The following RAB6A variants were observed in gnomAD, a reference collection of about 807,000 sequenced individuals.
RAB6A encodes RAB6A, member RAS oncogene family, also known as ras-related protein Rab-6A.
A neutral mutation model predicts 32.3 loss-of-function variants in RAB6A; 8 were observed. That is an observed-to-expected ratio of 0.25 (90% CI 0.15 to 0.45). The LOEUF (loss-of-function observed/expected upper bound fraction) is 0.45. Ranked by LOEUF, RAB6A falls within the 20% of genes least tolerant of loss-of-function variation. The probability of loss-of-function intolerance (pLI) is 1.00; values close to 1 mark genes in which losing one functional copy is unlikely to be tolerated. For missense variants in RAB6A, 104 were observed against 249.4 expected, an observed-to-expected ratio of 0.42 and a Z score of 3.93; for synonymous variants, 73 against 82.1, an observed-to-expected ratio of 0.89 and a Z score of 0.60.
chr11:73,719,541 T>C (rs938563814), intron 3 of RAB6A, among the ~76,000 whole-genome samples: 1 of 152,090 alleles, frequency 6.6e-6, no homozygotes, highest in African/African-American at 2.4e-5. Context: ...TATCCATATC[T>C]ATATTACAGG....
At chr11:73,748,575 T>C (rs1946627753) in intron 1 of RAB6A, among the ~76,000 whole-genome samples, 1 of 152,040 alleles carries the variant, frequency 6.6e-6, no homozygotes, top group South Asian at 2.1e-4. Context: ...GCTATATAGA[T>C]GAAAAAAGAT....
intron 1 of RAB6A, among the ~76,000 whole-genome samples, chr11:73,739,356 G>A (rs2134990537): frequency 8.1e-6 from 1 of 124,120 alleles, no homozygotes. Context: ...AATTTTTTAA[G>A]AGATGGGGTG....
chr11:73,743,071 A>G (rs1203424410), intron 1 of RAB6A, among the ~76,000 whole-genome samples: 5 of 152,096 alleles, frequency 3.3e-5, no homozygotes, highest in Non-Finnish European at 5.9e-5. Context: ...TGGGAGGCCA[A>G]GACGGGCAGA....
chr11:73,745,106 T>C (rs1464594146), intron 1 of RAB6A, among the ~76,000 whole-genome samples: 1 of 152,196 alleles, frequency 6.6e-6, no homozygotes, highest in African/African-American at 2.4e-5. Flanking sequence ...ATCCATCTTT[T>C]CTTATGGGAA....
chr11:73,742,230 T>C (rs763238589), intron 1 of RAB6A, among the ~76,000 whole-genome samples: 3 of 151,838 alleles, frequency 2.0e-5, no homozygotes, highest in Non-Finnish European at 4.4e-5. Flanking sequence ...TGCAGTGAGC[T>C]GAGATTGTGC....
intron 1 of RAB6A, among the ~76,000 whole-genome samples, chr11:73,736,811 A>AG (rs1379540023): frequency 7.3e-6 from 1 of 137,074 alleles, no homozygotes; most frequent in African/African-American, 2.9e-5. Flanking sequence ...AAAAAAAAGA[A>AG]AAAAAAAAAA....
chr11:73,720,257 T>C (rs1388541000), intron 3 of RAB6A, among the ~76,000 whole-genome samples: 1 of 149,532 alleles, frequency 6.7e-6, no homozygotes, highest in Non-Finnish European at 1.5e-5. Flanking sequence ...CTCAGCTCAC[T>C]GCAACCTCTG....
chr11:73,724,484 GTTTTTTT>G (rs34665371), intron 2 of RAB6A, among the ~76,000 whole-genome samples: 1 of 123,364 alleles, frequency 8.1e-6, no homozygotes, highest in Non-Finnish European at 1.7e-5. Flanking sequence ...AATGCATTTC[GTTTTTTT>G]TTTTTTTTTT....
At chr11:73,720,772 A>G (rs1946124017) in intron 3 of RAB6A, 74 bp downstream of exon 3, 2 of 1,160,290 alleles carry the variant, frequency 1.7e-6, no homozygotes, top group African/African-American at 3.1e-5. Context: ...TATGGTGACA[A>G]TCATTGATAA....
chr11:73,708,128 T>G (rs1945879612), intron 5 of RAB6A, among the ~76,000 whole-genome samples: 1 of 152,206 alleles, frequency 6.6e-6, no homozygotes, highest in Non-Finnish European at 1.5e-5. Context: ...TATCTGTGCT[T>G]AATATTTTGT....
At chr11:73,709,936 TAC>T (rs199652404) in intron 5 of RAB6A, among the ~76,000 whole-genome samples, 2 of 100,736 alleles carry the variant, frequency 2.0e-5, no homozygotes, top group African/African-American at 7.0e-5. Flanking sequence ...TATATATACA[TAC>T]ACACACACAC....
At chr11:73,719,370 C>G (rs1011377867) in intron 3 of RAB6A, among the ~76,000 whole-genome samples, 2 of 152,232 alleles carry the variant, frequency 1.3e-5, no homozygotes, top group Non-Finnish European at 2.9e-5. Flanking sequence ...GTCTAGAATA[C>G]TTTCAAACCT....
rs1011083483 is a variant in RAB6A at position 73,676,065 on chromosome 11, A to G, written c.*1833T>C. The G allele has an allele frequency of 1.2e-5, 2 of 167,106 alleles. No individual in the cohort carries two copies. The highest frequency in any genetic ancestry group is 2.9e-5 in the Non-Finnish European group (2 of 68,114). 10.4% of individuals were successfully genotyped at this position (167,106 alleles called of 1,614,324 possible). On this transcript the variant is annotated 3_prime_UTR_variant, in exon 8 of 8. Transcript: ENST00000336083. ...AATGATTATCTGTAAGCATTTCTCT[A>G]TTCAGATCCATAATCCAAGTGCTCT...
intron 1 of RAB6A, among the ~76,000 whole-genome samples, chr11:73,744,563 G>A (rs1384214074): frequency 7.1e-6 from 1 of 140,606 alleles, no homozygotes; most frequent in Non-Finnish European, 1.5e-5. Flanking sequence ...TTAGATGGCA[G>A]CAGGACTTTT....
chr11:73,730,504 T>C (rs1011173430), intron 2 of RAB6A: 1 of 334,622 alleles, frequency 3.0e-6, no homozygotes, highest in African/African-American at 2.1e-5. Flanking sequence ...ATAGAGAATA[T>C]CCACCATTAC....
At chr11:73,750,378 C>T (rs1340555714) in intron 1 of RAB6A, among the ~76,000 whole-genome samples, 1 of 148,948 alleles carries the variant, frequency 6.7e-6, no homozygotes, top group Non-Finnish European at 1.5e-5. Flanking sequence ...GAGACAGAGT[C>T]GCACTCTGTT....
At chr11:73,696,575 G>T (rs940831) in intron 6 of RAB6A, among the ~76,000 whole-genome samples, 137,650 of 152,152 alleles carry the variant, frequency 0.9, 62,557 homozygotes, top group East Asian at 1. Flanking sequence ...CTTGTATTTA[G>T]TTTTTCAATT....
intron 6 of RAB6A, among the ~76,000 whole-genome samples, chr11:73,687,962 G>A (rs1235494018): frequency 1.3e-5 from 2 of 152,158 alleles, no homozygotes; most frequent in Non-Finnish European, 2.9e-5. Flanking sequence ...CTTTTTGTCA[G>A]TAATACTACA....
At chr11:73,724,084 C>T (rs189959697) in intron 2 of RAB6A, among the ~76,000 whole-genome samples, 47 of 152,234 alleles carry the variant, frequency 3.1e-4, no homozygotes, top group Middle Eastern at 6.8e-3. Context: ...AACGCTTATG[C>T]ATTTCTCATT....
Sources: gnomAD v4.1 joint callset for allele counts (sites outside exome capture counted in the v4.1 genomes callset) on GRCh38, gnomAD v4.1.1 for gene constraint, MANE v1.5 for transcripts, NCBI Gene and HGNC (gene_info 2026-07-23, HGNC 2026-07-21) for gene names.